The following UCN3 variants were observed in gnomAD, a reference collection of about 807,000 sequenced individuals.
UCN3 encodes urocortin 3, also known as urocortin-3.
A neutral mutation model predicts 3.6 loss-of-function variants in UCN3; 3 were observed. The ratio of observed to expected loss-of-function variants is 0.83; its 90% confidence interval spans 0.38 to 2.15. The LOEUF (loss-of-function observed/expected upper bound fraction) is 2.15. UCN3 is among the 30% of genes most tolerant of loss of function. The pLI is 0.06. For missense variants in UCN3, 206 were observed against 208.3 expected, an observed-to-expected ratio of 0.99 and a Z score of 0.07; for synonymous variants, 100 against 93.2, an observed-to-expected ratio of 1.07 and a Z score of -0.42.
intron 1 of UCN3, among the ~76,000 whole-genome samples, chr10:5,370,747 T>C (rs1037321075): frequency 9.4e-6 from 1 of 106,710 alleles, no homozygotes; most frequent in Non-Finnish European, 1.9e-5. Context: ...TGTGTGTGTA[T>C]ATGATGTGTG....
chr10:5,370,920 C>CGTGTGTATATGTGTGTGTAT lies in UCN3; in HGVS notation c.-6-2779_-6-2778insGTATGTGTGTATATGTGTGT. Among the ~76,000 whole-genome samples the CGTGTGTATATGTGTGTGTAT allele has an allele frequency of 1.8e-5, 2 of 109,900 alleles. 1 individual carries two copies. The highest frequency in any genetic ancestry group is 7.3e-5 in the African/African-American group (2 of 27,298). The allele number at this position is 109,900 out of a possible 152,430, so 72.1% of individuals were successfully genotyped here. Reference sequence around the variant, plus strand: ...GCGTGTGTATATGCGTGTGTATATGCGTGTGTATATGTGTGTTCATGTGTA... The same window carrying CGTGTGTATATGTGTGTGTAT: ...GCGTGTGTATATGCGTGTGTATATGCGTGTGTATATGTGTGTGTATGTGTGTATATGTGTGTTCATGTGTA... On this transcript the variant is annotated intron_variant, in intron 1 of 1. Transcript: ENST00000380433.
rs1481819542 is a variant in UCN3 at position 5,370,862 on chromosome 10, C to CGCGTGTGTGTGCGCGT, written c.-6-2852_-6-2851insCGTGTGTGTGCGCGTG. Reference sequence around the variant, plus strand: ...GCGCGTGTGTGTGCGCGTGTGTGTGCGTGTGTATGTGTGTGTATATGCGTG... The same window carrying CGCGTGTGTGTGCGCGT: ...GCGCGTGTGTGTGCGCGTGTGTGTGCGCGTGTGTGTGCGCGTGTGTGTATGTGTGTGTATATGCGTG... On this transcript the variant is annotated intron_variant, in intron 1 of 1. Transcript: ENST00000380433. Among the ~76,000 whole-genome samples the CGCGTGTGTGTGCGCGT allele has an allele frequency of 3.3e-4, 15 of 45,332 alleles. 1 individual carries two copies. Among genetic ancestry groups the CGCGTGTGTGTGCGCGT allele is most frequent in the African/African-American group, 1.3e-3 (13 of 10,372 alleles). The allele number at this position is 45,332 out of a possible 152,430, so 29.7% of individuals were successfully genotyped here.
Position 5,370,820 on chromosome 10 carries a change from TGTGC to T in UCN3, c.-6-2893_-6-2890del, listed in dbSNP as rs1554811392. ...GTGTGTATATGTGTGTGTGCGTGTGTGTGCGCGCGTGTGTGTGCGCGTGTGTGTG... is the reference window on the plus strand; with the variant it reads ...GTGTGTATATGTGTGTGTGCGTGTGTGCGCGTGTGTGTGCGCGTGTGTGTG... On this transcript the variant is annotated intron_variant, in intron 1 of 1. Transcript: ENST00000380433. Among the ~76,000 whole-genome samples the T allele has an allele frequency of 6.4e-5, 7 of 108,832 alleles. No homozygotes were observed. In the East Asian group the frequency reaches 1.9e-3, roughly 30 times the overall value. 71.4% of individuals were successfully genotyped at this position (108,832 alleles called of 152,430 possible).
intron 1 of UCN3, among the ~76,000 whole-genome samples, chr10:5,370,822 T>C (rs1210077773): frequency 1.1e-4 from 11 of 104,014 alleles, no homozygotes; most frequent in Admixed American, 4.3e-4. Context: ...TGCGTGTGTG[T>C]GCGCGCGTGT....
Position 5,374,093 on chromosome 10 carries a change from G to A in UCN3, c.373G>A (p.Asp125Asn), listed in dbSNP as rs782034508. ...PHRTKFTLSL[D>N]VPTNIMNLLF... ...CCGCACCAAGTTCACCCTGTCCCTCGACGTCCCCACCAACATCATGAACCT... is the reference window on the plus strand; with the variant it reads ...CCGCACCAAGTTCACCCTGTCCCTCAACGTCCCCACCAACATCATGAACCT... The change falls in exon 2 of 2, where the codon GAC becomes AAC. Residue 125 changes from aspartate (D) to asparagine (N), a missense_variant. Coordinates refer to ENST00000380433, the MANE Select transcript of UCN3 (RefSeq NM_053049.4). 2.0e-5 allele frequency: 32 copies of A among 1,613,462 alleles called. 1 individual carries two copies. Among genetic ancestry groups the A allele is most frequent in the South Asian group, 6.6e-5 (6 of 91,040 alleles).
chr10:5,371,241 T>C lies in UCN3; in HGVS notation c.-6-2474T>C, dbSNP rs530069615. ...GTGTGCATGTATAAATATGCATGTCTATATGTATGTGTGAGGTGTGTGTGC... is the reference window on the plus strand; with the variant it reads ...GTGTGCATGTATAAATATGCATGTCCATATGTATGTGTGAGGTGTGTGTGC... On this transcript the variant is annotated intron_variant, in intron 1 of 1. Coordinates refer to ENST00000380433, the MANE Select transcript of UCN3 (RefSeq NM_053049.4). Among the ~76,000 whole-genome samples the C allele has an allele frequency of 6.0e-5, 9 of 151,216 alleles. No individual in the cohort carries two copies. In the East Asian group the frequency reaches 1.8e-3, roughly 29 times the overall value.
chr10:5,370,945 ATG>A (rs1407221626), intron 1 of UCN3, among the ~76,000 whole-genome samples: 5 of 96,770 alleles, frequency 5.2e-5, no homozygotes, highest in Non-Finnish European at 8.3e-5. Flanking sequence ...GTTCATGTGT[ATG>A]TGTGTAAGGT....
chr10:5,370,021 G>A lies in UCN3; in HGVS notation c.-6-3694G>A, dbSNP rs551997222. Among the ~76,000 whole-genome samples the A allele has an allele frequency of 2.1e-4, 28 of 134,060 alleles. 1 individual carries two copies. The highest frequency in any genetic ancestry group is 8.2e-4 in the African/African-American group (27 of 33,012). The allele number at this position is 134,060 out of a possible 152,430, so 87.9% of individuals were successfully genotyped here. A position where few individuals can be genotyped will look rare whatever the true frequency, so the allele number is the denominator to read the frequency against. ...TGTGTGTGTGTATGTGTGTGTATAT[G>A]TGTGTGTATATGCGTGTGTATATGC... On this transcript the variant is annotated intron_variant, in intron 1 of 1. Transcript: ENST00000380433.
chr10:5,372,717 T>TC (rs1491503796), intron 1 of UCN3, among the ~76,000 whole-genome samples: 3 of 58,714 alleles, frequency 5.1e-5, no homozygotes, highest in African/African-American at 1.7e-4. Context: ...GCCCAGCTAA[T>TC]TTTTTTTTTT....
At chr10:5,369,574 C>T (rs573446975) in intron 1 of UCN3, among the ~76,000 whole-genome samples, 1 of 152,342 alleles carries the variant, frequency 6.6e-6, no homozygotes, top group Admixed American at 6.5e-5. Flanking sequence ...ACTCCAAAGC[C>T]TGTGTTGTTC....
intron 1 of UCN3, among the ~76,000 whole-genome samples, chr10:5,370,211 A>ATGTGTGTATG (rs1831346791): frequency 1.2e-4 from 2 of 16,876 alleles, no homozygotes; most frequent in Non-Finnish European, 1.8e-4. Context: ...ATGCGTGTGT[A>ATGTGTGTATG]TGTGTGTGTA....
In UCN3 at chr10:5,373,708, G is replaced by T; in HGVS notation, c.-6-7G>T. The T allele has an allele frequency of 1.9e-6, 3 of 1,611,712 alleles. 1 individual carries two copies. The South Asian group carries it at 3.3e-5, about 18-fold the overall frequency. ...GCCCCTGCCCACATCCCTCTTTTCT[G>T]CTGCAGGGAGAGATGCTGATGCCGG... On this transcript the variant is annotated splice_region_variant and splice_polypyrimidine_tract_variant and intron_variant, in intron 1 of 1. Coordinates refer to ENST00000380433, the MANE Select transcript of UCN3 (RefSeq NM_053049.4).
chr10:5,365,895 A>G lies in UCN3; in HGVS notation c.-7+665A>G, dbSNP rs1834112822. Among the ~76,000 whole-genome samples, 1 of 152,230 alleles carries G rather than the reference A, an allele frequency of 6.6e-6. No individual in the cohort carries two copies. The highest frequency in any genetic ancestry group is 1.5e-5 in the Non-Finnish European group (1 of 68,030). On this transcript the variant is annotated intron_variant, in intron 1 of 1. Transcript: ENST00000380433. The surrounding 1 kb of genome is among the most constrained non-coding windows in gnomAD (Gnocchi z 4.4). ...ATTGCGGGGGTGTGTGCAGATACCTACAATGGCTAACTCCTACCTGTGAAG... is the reference window on the plus strand; with the variant it reads ...ATTGCGGGGGTGTGTGCAGATACCTGCAATGGCTAACTCCTACCTGTGAAG...
chr10:5,370,599 GTATGCGTGTGTA>G lies in UCN3; in HGVS notation c.-6-3106_-6-3095del, dbSNP rs1333147742. ...TGTATATGTGTGTATATGTGTGTGTGTATGCGTGTGTATATGCGTGTATATGCGTGTGTATGT... is the reference window on the plus strand; with the variant it reads ...TGTATATGTGTGTATATGTGTGTGTGTATGCGTGTATATGCGTGTGTATGT... On this transcript the variant is annotated intron_variant, in intron 1 of 1. Coordinates refer to ENST00000380433, the MANE Select transcript of UCN3 (RefSeq NM_053049.4). 2.0e-4 allele frequency among the ~76,000 whole-genome samples: 15 copies of G among 74,324 alleles called. 3 individuals are homozygous for G. Among genetic ancestry groups the G allele is most frequent in the African/African-American group, 4.8e-4 (9 of 18,652 alleles). 48.8% of individuals were successfully genotyped at this position (74,324 alleles called of 152,430 possible).
intron 1 of UCN3, among the ~76,000 whole-genome samples, chr10:5,370,817 G>GTATGTGTGTGTATA (rs1831399953): frequency 4.7e-5 from 5 of 106,228 alleles, no homozygotes; most frequent in African/African-American, 1.5e-4. Context: ...GTGTGTGCGT[G>GTATGTGTGTGTATA]TGTGTGCGCG....
chr10:5,370,766 C>CGTGTGTATATGTGTGTGTATATGATGT, intron 1 of UCN3, among the ~76,000 whole-genome samples: 1 of 75,550 alleles, frequency 1.3e-5, no homozygotes, highest in South Asian at 5.4e-4. Context: ...TGTGTATATG[C>CGTGTGTATATGTGTGTGTATATGATGT]GTGTGTATAT....
intron 1 of UCN3, among the ~76,000 whole-genome samples, chr10:5,373,030 G>A (rs546250201): frequency 2.6e-5 from 4 of 152,184 alleles, no homozygotes; most frequent in South Asian, 4.2e-4. Context: ...TGGCATTGAG[G>A]TCCTGCGGTT....
At chr10:5,368,940 C>A (rs1442783967) in intron 1 of UCN3, among the ~76,000 whole-genome samples, 2 of 152,104 alleles carry the variant, frequency 1.3e-5, no homozygotes, top group African/African-American at 2.4e-5. Context: ...CAGAGTGTGG[C>A]CCTCAGACCT....
chr10:5,372,202 A>G (rs1554811613), intron 1 of UCN3, among the ~76,000 whole-genome samples: 1 of 152,214 alleles, frequency 6.6e-6, no homozygotes, highest in African/African-American at 2.4e-5. Flanking sequence ...CAGACCAGGC[A>G]AAAAGGACTG....
Sources: gnomAD v4.1 joint callset for allele counts (sites outside exome capture counted in the v4.1 genomes callset) on GRCh38, gnomAD v4.1.1 for gene constraint, Gnocchi (gnomAD v3.1) non-coding constraint, MANE v1.5 for transcripts, NCBI Gene and HGNC (gene_info 2026-07-23, HGNC 2026-07-21) for gene names.